The following LRP1B variants were observed in gnomAD, a reference collection of about 807,000 sequenced individuals.
LRP1B encodes LDL receptor related protein 1B.
In LRP1B, 217 loss-of-function variants were observed where a neutral mutation model predicts 556.6. The ratio of observed to expected loss-of-function variants is 0.39; its 90% CI spans 0.35 to 0.44. The LOEUF is 0.44. Ranked by LOEUF, LRP1B falls within the 20% of genes least tolerant of loss-of-function variation. LRP1B has a pLI of 1.00. For synonymous variants in LRP1B, 2,047 were observed against 1,865.8 expected (o/e 1.10, Z -2.50); for missense variants, 5,053 against 5,620.8 (o/e 0.90, Z 3.23).
At chr2:141,235,335 G>A (rs983268717) in intron 5 of LRP1B, among the ~76,000 whole-genome samples, 55 of 151,970 alleles carry the variant, frequency 3.6e-4, no homozygotes, top group African/African-American at 1.3e-3. Context: ...CTTCAAGAAC[G>A]ATACAATCAA....
intron 1 of LRP1B, among the ~76,000 whole-genome samples, chr2:142,023,511 T>C (rs1010810384): frequency 1.3e-5 from 2 of 152,206 alleles, no homozygotes; most frequent in African/African-American, 2.4e-5. Context: ...ACACGGTAAA[T>C]GTGTTCTTTG....
chr2:141,673,061 A>G (rs1270788803), intron 2 of LRP1B, among the ~76,000 whole-genome samples: 3 of 152,182 alleles, frequency 2.0e-5, no homozygotes, highest in East Asian at 1.9e-4. Context: ...TAAAACACAG[A>G]TAAGTGTTAG....
chr2:140,442,511 G>T lies in LRP1B; in HGVS notation c.10407C>A (p.Ala3469=), dbSNP rs1459366487. The part of the protein sequence containing the change: ...DPDCADASDE[A]NCDKKTCGPH... ...AGAGTCACAGACACTCACCGCAGTT[G>T]GCCTCGTCTGATGCATCTGCACAGT... Residue 3469 remains alanine (A), a synonymous_variant, in exon 66 of 91, where the codon GCC becomes GCA. Coordinates refer to ENST00000389484, the MANE Select transcript of LRP1B (RefSeq NM_018557.3). 3 of 1,612,388 alleles carry T rather than the reference G, an allele frequency of 1.9e-6. No homozygotes were observed. The highest frequency in any genetic ancestry group is 2.5e-6 in the Non-Finnish European group (3 of 1,179,244).
intron 11 of LRP1B, among the ~76,000 whole-genome samples, chr2:141,022,371 T>C (rs1698089924): frequency 6.6e-6 from 1 of 151,742 alleles, no homozygotes; most frequent in Non-Finnish European, 1.5e-5. Context: ...TATGAGCAAA[T>C]TGGGAATCTT....
At chr2:142,009,918 G>A (rs1233439131) in intron 1 of LRP1B, among the ~76,000 whole-genome samples, 3 of 151,950 alleles carry the variant, frequency 2.0e-5, no homozygotes, top group African/African-American at 7.3e-5. Flanking sequence ...ATATATAGAT[G>A]CATATGTAGA....
At chr2:141,986,616 A>C (rs1433739305) in intron 1 of LRP1B, among the ~76,000 whole-genome samples, 9 of 152,020 alleles carry the variant, frequency 5.9e-5, no homozygotes, top group African/African-American at 2.2e-4. Flanking sequence ...ACAGAAATTT[A>C]AAAATCAAGT....
intron 43 of LRP1B, among the ~76,000 whole-genome samples, chr2:140,571,854 C>G (rs1322841171): frequency 6.6e-6 from 1 of 151,702 alleles, no homozygotes; most frequent in South Asian, 2.1e-4. Flanking sequence ...TATGTTTTTA[C>G]AGCCAACTCA....
rs150238529 is a variant in LRP1B at position 141,176,054 on chromosome 2, C to T, written c.1013+12367G>A. Among the ~76,000 whole-genome samples the T allele has an allele frequency of 4.9e-3, 745 of 152,196 alleles. 4 individuals carry two copies. Among genetic ancestry groups the T allele is most frequent in the Non-Finnish European group, 8.6e-3 (583 of 68,008 alleles). ...CTCTCTTTTGGAGTGGTGGCATTTA[C>T]CCAATGCCTGTACCTCCATTGTATC... On this transcript the variant is annotated intron_variant, in intron 7 of 90. Transcript: ENST00000389484.
At chr2:141,711,846 A>G (rs1412573768) in intron 2 of LRP1B, among the ~76,000 whole-genome samples, 1 of 152,000 alleles carries the variant, frequency 6.6e-6, no homozygotes, top group Non-Finnish European at 1.5e-5. Flanking sequence ...GCTTCATGTG[A>G]CTTTCAGCTA....
chr2:142,088,974 C>CAAAAA (rs1289382985), intron 1 of LRP1B, among the ~76,000 whole-genome samples: 3 of 39,722 alleles, frequency 7.6e-5, no homozygotes, highest in East Asian at 1.1e-3. Context: ...GGCTCCGTCT[C>CAAAAA]AAAAAAAAAA....
intron 3 of LRP1B, among the ~76,000 whole-genome samples, chr2:141,406,349 T>C (rs911275919): frequency 6.6e-6 from 1 of 152,058 alleles, no homozygotes; most frequent in Admixed American, 6.5e-5. Flanking sequence ...CTTCTGAGAA[T>C]GAAAGAAGGT....
intron 3 of LRP1B, among the ~76,000 whole-genome samples, chr2:141,438,753 G>A (rs561447668): frequency 1.1e-4 from 16 of 152,262 alleles, no homozygotes; most frequent in East Asian, 1.9e-4. Flanking sequence ...AAGCCAAGGA[G>A]TTAAACTGAG....
intron 7 of LRP1B, among the ~76,000 whole-genome samples, chr2:141,089,523 T>A (rs1230591762): frequency 1.3e-5 from 2 of 152,198 alleles, no homozygotes; most frequent in Non-Finnish European, 2.9e-5. Flanking sequence ...ATGAAAATTG[T>A]GTTTAACAGG....
chr2:141,620,107 C>T (rs138798974), intron 2 of LRP1B, among the ~76,000 whole-genome samples: 1 of 152,194 alleles, frequency 6.6e-6, no homozygotes, highest in African/African-American at 2.4e-5. Context: ...CAGATGCCAC[C>T]ATGCCCAGCT....
chr2:141,626,586 C>CA (rs1215021295), intron 2 of LRP1B, among the ~76,000 whole-genome samples: 1 of 151,960 alleles, frequency 6.6e-6, no homozygotes, highest in Admixed American at 6.6e-5. Flanking sequence ...ACAAAATATA[C>CA]AAAAAACTCT....
intron 2 of LRP1B, among the ~76,000 whole-genome samples, chr2:141,770,736 C>T (rs533725145): frequency 3.5e-4 from 54 of 152,280 alleles, no homozygotes; most frequent in African/African-American, 1.2e-3. Flanking sequence ...TCCCTACAGG[C>T]GCTGTCTTTA....
chr2:140,427,172 C>T lies in LRP1B; in HGVS notation c.10414+15332G>A, dbSNP rs956199383. ...GCCTTCCCTTGGTGTTTAATCATTGCGAGGACACCTCTCTGATTATTCACC... is the reference window on the plus strand; with the variant it reads ...GCCTTCCCTTGGTGTTTAATCATTGTGAGGACACCTCTCTGATTATTCACC... On this transcript the variant is annotated intron_variant, in intron 66 of 90. Coordinates refer to ENST00000389484, the MANE Select transcript of LRP1B (RefSeq NM_018557.3). Among the ~76,000 whole-genome samples, 6 of 152,162 alleles carry T rather than the reference C, an allele frequency of 3.9e-5. No homozygotes were observed. In the East Asian group the frequency reaches 5.8e-4, roughly 15 times the overall value.
intron 2 of LRP1B, among the ~76,000 whole-genome samples, chr2:141,487,915 CTCT>C (rs1358263152): frequency 6.6e-6 from 1 of 152,184 alleles, no homozygotes; most frequent in Non-Finnish European, 1.5e-5. Flanking sequence ...CTCACCAAGA[CTCT>C]TCTTTCACAT....
At chr2:141,903,651 G>A (rs989137746) in intron 1 of LRP1B, among the ~76,000 whole-genome samples, 9 of 151,816 alleles carry the variant, frequency 5.9e-5, no homozygotes, top group African/African-American at 1.9e-4. Flanking sequence ...TAAATTTATT[G>A]AGCATTTTCT....
Sources: allele counts gnomAD v4.1 joint callset (sites outside exome capture counted in the v4.1 genomes callset), GRCh38; gene constraint gnomAD v4.1.1; transcripts MANE v1.5; gene names NCBI Gene and HGNC (gene_info 2026-07-23, HGNC 2026-07-21).